Variants in PCDH15 observed in about 807,000 individuals in gnomAD.
PCDH15 encodes the protein protocadherin related 15, also known as protocadherin-15.
PCDH15 carries 129 observed loss-of-function variants against 178.5 expected under a neutral mutation model. The observed-to-expected ratio is 0.72, with a 90% confidence interval of 0.63 to 0.84. The LOEUF is 0.84. Ranked by LOEUF, PCDH15 falls within the 40% of genes least tolerant of loss-of-function variation. The pLI is 0.00. For synonymous variants in PCDH15, 800 were observed against 732.0 expected, an observed-to-expected ratio of 1.09 and a Z score of -1.50; for missense variants, 2,230 against 2,099.9, an observed-to-expected ratio of 1.06 and a Z score of -1.21.
In PCDH15 at chr10:54,378,659, TG is replaced by T. The variant is rs1159812904; in HGVS notation, c.318+122del. The T allele has an allele frequency of 2.1e-5, 23 of 1,085,252 alleles. No homozygotes were observed. The South Asian group carries it at 3.1e-4, about 15-fold the overall frequency. 67.2% of individuals were successfully genotyped at this position (1,085,252 alleles called of 1,614,324 possible). A position where few individuals can be genotyped will look rare whatever the true frequency, so the allele number is the denominator to read the frequency against. On this transcript the variant is annotated intron_variant, in intron 4 of 37. Coordinates refer to ENST00000644397, the MANE Select transcript of PCDH15 (RefSeq NM_001384140.1). ...TCTTTAAATGAGTTAAAGAAACTGT[TG>T]TTGCTATACTCAGGAAATAAACTCA...
chr10:55,167,452 A>T (rs2132119541), intron 1 of PCDH15, among the ~76,000 whole-genome samples: 1 of 152,230 alleles, frequency 6.6e-6, no homozygotes, highest in African/African-American at 2.4e-5. Context: ...CTATACCATT[A>T]TTATTTTATA....
rs79450228 is a variant in PCDH15, at chr10:54,350,343, C to T, written c.475-3859G>A. Among the ~76,000 whole-genome samples the T allele has an allele frequency of 7.2e-3, 1,102 of 152,266 alleles. 17 individuals are homozygous for T. Among genetic ancestry groups the T allele is most frequent in the African/African-American group, 0.025 (1,041 of 41,554 alleles). ...AGGTTTGCTCTCCTCCATAGTTCCA[C>T]ATTTAAGGCAAATGTCTTAGCACAG... On this transcript the variant is annotated intron_variant, in intron 5 of 37. Transcript: ENST00000644397.
intron 13 of PCDH15, among the ~76,000 whole-genome samples, chr10:54,178,068 G>T (rs1416055681): frequency 6.6e-6 from 1 of 152,086 alleles, no homozygotes; most frequent in Non-Finnish European, 1.5e-5. Flanking sequence ...AATTTTTAAA[G>T]GGTGATAATT....
intron 2 of PCDH15, among the ~76,000 whole-genome samples, chr10:55,507,795 C>T (rs548933902): frequency 4.0e-5 from 6 of 151,392 alleles, no homozygotes; most frequent in African/African-American, 1.2e-4. Flanking sequence ...GATAATGGTT[C>T]GTTGTGTGGA....
chr10:55,372,645 A>C (rs1845535215), intron 2 of PCDH15, among the ~76,000 whole-genome samples: 1 of 152,116 alleles, frequency 6.6e-6, no homozygotes, highest in Admixed American at 6.6e-5. Context: ...TGATGAGGCA[A>C]AGCCAAACTT....
At position 53,805,239 on chromosome 10, in the gene PCDH15, A is replaced by G. The variant is rs1841077034; in HGVS notation, c.*1340T>C. On this transcript the variant is annotated 3_prime_UTR_variant, in exon 38 of 38. Transcript: ENST00000644397. The stretch of plus-strand genomic sequence containing the variant: ...CATGAGGAAATTTCATTAAAACCTG[A>G]ACTTGGTCAATACTGTGCAAAATTT... 1 of 152,088 alleles carries G rather than the reference A, an allele frequency of 6.6e-6. No individual in the cohort carries two copies. Among genetic ancestry groups the G allele is most frequent in the Non-Finnish European group, 1.5e-5 (1 of 67,976 alleles). The allele number at this position is 152,088 out of a possible 1,614,324, so 9.4% of individuals were successfully genotyped here.
chr10:54,167,935 GA>G (rs1382438817), intron 13 of PCDH15, among the ~76,000 whole-genome samples: 2 of 150,726 alleles, frequency 1.3e-5, no homozygotes, highest in Non-Finnish European at 2.9e-5. Context: ...CACTTTTCTG[GA>G]AGGTAAGAAC....
intron 15 of PCDH15, among the ~76,000 whole-genome samples, chr10:54,101,210 T>A (rs1360507493): frequency 1.3e-5 from 2 of 152,184 alleles, no homozygotes; most frequent in Non-Finnish European, 2.9e-5. Flanking sequence ...ATGTGAGACA[T>A]GCCTTTCACC....
Position 54,378,918 on chromosome 10 carries a change from A to G in PCDH15, c.182T>C (p.Leu61Pro). ...RNGTILVDNM[L>P]IKGTAGGPDP... The stretch of plus-strand genomic sequence containing the variant: ...TGGTCCTCCAGCAGTCCCTTTGATC[A>G]GCATGTTGTCCACCAGAATTGTACC... The change falls in exon 4 of 38, where the codon CTG (leucine) becomes CCG (proline). Residue 61 changes from leucine to proline, a missense_variant. Coordinates refer to ENST00000644397, the MANE Select transcript of PCDH15 (RefSeq NM_001384140.1). 6.2e-7 allele frequency: 1 copy of G among 1,613,810 alleles called. No individual in the cohort carries two copies. Among genetic ancestry groups the G allele is most frequent in the Non-Finnish European group, 8.5e-7 (1 of 1,179,804 alleles).
At chr10:55,601,902 G>C (rs1164890900) in intron 2 of PCDH15, among the ~76,000 whole-genome samples, 2 of 152,062 alleles carry the variant, frequency 1.3e-5, no homozygotes, top group African/African-American at 4.8e-5. Flanking sequence ...TGGCCAAATA[G>C]GAACAGCTCC....
At chr10:53,965,229 T>C (rs1589660451) in intron 21 of PCDH15, among the ~76,000 whole-genome samples, 1 of 152,048 alleles carries the variant, frequency 6.6e-6, no homozygotes. Flanking sequence ...GGCTAATTTT[T>C]TTCTATTTTT....
chr10:54,843,807 C>T (rs1953459393), intron 3 of PCDH15, among the ~76,000 whole-genome samples: 1 of 151,974 alleles, frequency 6.6e-6, no homozygotes, highest in Non-Finnish European at 1.5e-5. Flanking sequence ...TTCCCTGATA[C>T]ATCTTACGGG....
chr10:54,774,733 T>G (rs2133314230), intron 1 of PCDH15, among the ~76,000 whole-genome samples: 1 of 152,274 alleles, frequency 6.6e-6, no homozygotes, highest in African/African-American at 2.4e-5. Flanking sequence ...ATGTCAAAAC[T>G]TAGCACAATG....
intron 3 of PCDH15, among the ~76,000 whole-genome samples, chr10:54,455,058 C>G (rs1319259893): frequency 3.3e-5 from 5 of 152,000 alleles, no homozygotes; most frequent in Non-Finnish European, 7.4e-5. Flanking sequence ...CCTTTTTGCT[C>G]AGCACTTCTC....
At chr10:55,012,423 A>G (rs1315183313) in intron 2 of PCDH15, among the ~76,000 whole-genome samples, 1 of 152,140 alleles carries the variant, frequency 6.6e-6, no homozygotes, top group African/African-American at 2.4e-5. Context: ...AAGGTAATTT[A>G]GCTACCTAAC....
At chr10:53,908,222 A>T (rs2082815453) in intron 25 of PCDH15, among the ~76,000 whole-genome samples, 1 of 152,216 alleles carries the variant, frequency 6.6e-6, no homozygotes, top group Non-Finnish European at 1.5e-5. Context: ...ATATTCTGTG[A>T]TGAACAGAAC....
chr10:54,550,017 C>T (rs1242353830), intron 2 of PCDH15, among the ~76,000 whole-genome samples: 3 of 151,980 alleles, frequency 2.0e-5, no homozygotes, highest in Admixed American at 6.6e-5. Context: ...CTCTTTAAAA[C>T]TCTTAAAATC....
At chr10:54,798,989 T>G (rs1952351940) in intron 1 of PCDH15, among the ~76,000 whole-genome samples, 1 of 152,132 alleles carries the variant, frequency 6.6e-6, no homozygotes, top group Non-Finnish European at 1.5e-5. Context: ...TACTTTATAA[T>G]TTTTGGTTTT....
At chr10:55,499,641 T>C (rs1840611589) in intron 2 of PCDH15, among the ~76,000 whole-genome samples, 2 of 151,804 alleles carry the variant, frequency 1.3e-5, no homozygotes, top group African/African-American at 4.8e-5. Flanking sequence ...CAATTAAACA[T>C]ACATCCCCTA....
Sources: gnomAD v4.1 joint callset for allele counts (sites outside exome capture counted in the v4.1 genomes callset) on GRCh38, gnomAD v4.1.1 for gene constraint, MANE v1.5 for transcripts, NCBI Gene and HGNC (gene_info 2026-07-23, HGNC 2026-07-21) for gene names.